EFCAB11: variants seen among roughly 807,000 people sequenced by gnomAD.
The protein encoded by EFCAB11 is EF-hand calcium-binding domain-containing protein 11.
A neutral mutation model predicts 23.0 loss-of-function variants in EFCAB11; 14 were observed. The observed-to-expected ratio is 0.61, with a 90% CI of 0.40 to 0.95. The LOEUF is 0.95. EFCAB11 is among the 40% of genes least tolerant of loss of function. EFCAB11 has a pLI of 0.00. For synonymous variants in EFCAB11, 65 were observed against 66.6 expected (o/e 0.98, Z 0.11); for missense variants, 198 against 195.8 (o/e 1.01, Z -0.07).
intron 5 of EFCAB11, among the ~76,000 whole-genome samples, chr14:89,880,556 C>T (rs983306781): frequency 1.3e-5 from 2 of 152,144 alleles, no homozygotes; most frequent in African/African-American, 2.4e-5. Context: ...TGAGACTTCA[C>T]TTCCGTTTTT....
chr14:89,950,026 T>G (rs1828834418), intron 3 of EFCAB11, 71 bp downstream of exon 3: 2 of 1,425,680 alleles, frequency 1.4e-6, no homozygotes, highest in Non-Finnish European at 1.9e-6. Flanking sequence ...ATGAGACTGA[T>G]GTAGGGACAC....
intron 3 of EFCAB11, among the ~76,000 whole-genome samples, chr14:89,946,286 C>A (rs1890981163): frequency 6.6e-6 from 1 of 152,114 alleles, no homozygotes; most frequent in Admixed American, 6.5e-5. Flanking sequence ...CTTCTGAAGT[C>A]TACTTCATCT....
At chr14:89,817,851 G>T (rs572987156) in intron 5 of EFCAB11, among the ~76,000 whole-genome samples, 74 of 152,066 alleles carry the variant, frequency 4.9e-4, no homozygotes, top group African/African-American at 1.7e-3. Context: ...AAAATCAGCC[G>T]GGTGTTGTGG....
chr14:89,841,311 C>G (rs1887257094), intron 5 of EFCAB11, among the ~76,000 whole-genome samples: 1 of 152,040 alleles, frequency 6.6e-6, no homozygotes, highest in Non-Finnish European at 1.5e-5. Context: ...CCCCTTCTCT[C>G]TTATGTCTTC....
chr14:89,881,468 C>CTT (rs1222148222), intron 5 of EFCAB11, among the ~76,000 whole-genome samples: 1 of 18,820 alleles, frequency 5.3e-5, no homozygotes. Flanking sequence ...TATATATATT[C>CTT]TTTTTTTTTT....
At chr14:89,921,319 T>C (rs1297061379) in intron 5 of EFCAB11, among the ~76,000 whole-genome samples, 1 of 152,176 alleles carries the variant, frequency 6.6e-6, no homozygotes, top group Non-Finnish European at 1.5e-5. Flanking sequence ...TGGCCTTGTA[T>C]GTTTCTGTCT....
chr14:89,859,717 G>T (rs1387382209), intron 5 of EFCAB11, among the ~76,000 whole-genome samples: 1 of 152,192 alleles, frequency 6.6e-6, no homozygotes. Flanking sequence ...GGTTAGGAGG[G>T]TAAGAGAGTT....
At chr14:89,849,430 T>C (rs1887530950) in intron 5 of EFCAB11, among the ~76,000 whole-genome samples, 2 of 152,290 alleles carry the variant, frequency 1.3e-5, no homozygotes, top group Admixed American at 6.5e-5. Flanking sequence ...AAAACGTAGA[T>C]GGTGTAATCT....
intron 5 of EFCAB11, among the ~76,000 whole-genome samples, chr14:89,900,934 G>A (rs370397062): frequency 6.6e-6 from 1 of 151,888 alleles, no homozygotes. Flanking sequence ...AGTTTAATTC[G>A]GTGGAAATTT....
intron 5 of EFCAB11, among the ~76,000 whole-genome samples, chr14:89,888,445 C>G (rs1754763255): frequency 6.6e-6 from 1 of 152,194 alleles, no homozygotes; most frequent in Non-Finnish European, 1.5e-5. Context: ...AGCCTACAAT[C>G]ATGGCAGAAG....
Position 89,894,336 on chromosome 14 carries a change from T to A in EFCAB11, c.410+37205A>T, listed in dbSNP as rs145281707. ...CATAGGTATACAAGTGCCATGGTGGTTTGCTGCACCTATCAACCTGTCATC... is the reference window on the plus strand; with the variant it reads ...CATAGGTATACAAGTGCCATGGTGGATTGCTGCACCTATCAACCTGTCATC... On this transcript the variant is annotated intron_variant, in intron 5 of 5. Transcript: ENST00000316738. Among the ~76,000 whole-genome samples, 303 of 152,082 alleles carry A rather than the reference T, an allele frequency of 2.0e-3. 4 individuals are homozygous for A. The highest frequency in any genetic ancestry group is 0.018 in the Admixed American group (275 of 15,286).
intron 5 of EFCAB11, among the ~76,000 whole-genome samples, chr14:89,917,393 T>C (rs981470486): frequency 3.9e-5 from 6 of 152,210 alleles, no homozygotes; most frequent in African/African-American, 1.4e-4. Context: ...GTCCCCAGAT[T>C]CCTCCATGCT....
At chr14:89,896,054 G>A (rs927446918) in intron 5 of EFCAB11, among the ~76,000 whole-genome samples, 2 of 152,104 alleles carry the variant, frequency 1.3e-5, no homozygotes, top group Admixed American at 6.5e-5. Flanking sequence ...AAATCAAGCC[G>A]ACAATGAGAT....
chr14:89,938,948 AAACAAC>A (rs1319822460), intron 3 of EFCAB11, among the ~76,000 whole-genome samples: 1 of 149,884 alleles, frequency 6.7e-6, no homozygotes, highest in Non-Finnish European at 1.5e-5. Context: ...TCAAAAAACA[AAACAAC>A]AACAACAACA....
At chr14:89,798,606 T>C (rs989560426) in intron 5 of EFCAB11, among the ~76,000 whole-genome samples, 8 of 152,242 alleles carry the variant, frequency 5.3e-5, no homozygotes, top group African/African-American at 1.9e-4. Flanking sequence ...ATGGTTGAAC[T>C]ATAAATCTCA....
intron 5 of EFCAB11, chr14:89,831,010 T>G (rs1289193190): frequency 6.6e-6 from 1 of 152,322 alleles, no homozygotes; most frequent in African/African-American, 2.4e-5. Flanking sequence ...ATTGCTGGAC[T>G]TATTTATTGG....
intron 5 of EFCAB11, among the ~76,000 whole-genome samples, chr14:89,807,987 G>A (rs755579648): frequency 3.9e-4 from 60 of 152,292 alleles, no homozygotes; most frequent in Non-Finnish European, 4.9e-4. Flanking sequence ...ATTCAAACGA[G>A]TGGGGATGGA....
rs112392954 is a variant in EFCAB11, at chr14:89,920,830, C to T, written c.410+10711G>A. Among the ~76,000 whole-genome samples, 153 of 152,126 alleles carry T rather than the reference C, an allele frequency of 1.0e-3. 1 individual carries two copies. The highest frequency in any genetic ancestry group is 3.5e-3 in the African/African-American group (145 of 41,504). Reference sequence around the variant, plus strand: ...CTGTGATCCCAGCACTCCGGGAGTCCGAGGAGGGTGGATCACTTGAGGTCA... The same window carrying T: ...CTGTGATCCCAGCACTCCGGGAGTCTGAGGAGGGTGGATCACTTGAGGTCA... On this transcript the variant is annotated intron_variant, in intron 5 of 5. Transcript: ENST00000316738.
intron 5 of EFCAB11, among the ~76,000 whole-genome samples, chr14:89,892,730 C>T (rs754924631): frequency 9.9e-5 from 15 of 151,904 alleles, no homozygotes; most frequent in Non-Finnish European, 1.9e-4. Flanking sequence ...GGTGAAACCC[C>T]GTCTCTACTA....
Sources: gnomAD v4.1 joint callset for allele counts (sites outside exome capture counted in the v4.1 genomes callset) on GRCh38, gnomAD v4.1.1 for gene constraint, MANE v1.5 for transcripts, NCBI Gene and HGNC (gene_info 2026-07-23, HGNC 2026-07-21) for gene names.